The following NRF1 variants were observed in gnomAD, a reference collection of about 807,000 sequenced individuals.
NRF1 encodes nuclear respiratory factor 1.
Under a neutral mutation model 58.5 loss-of-function variants are expected in NRF1, and 5 were observed. The observed-to-expected ratio is 0.09, with a 90% CI of 0.04 to 0.18. The LOEUF is 0.18. NRF1 is among the 10% of genes least tolerant of loss of function. The pLI, the probability that NRF1 is intolerant of heterozygous loss-of-function variation, is 1.00. For synonymous variants in NRF1, 224 were observed against 246.7 expected (o/e 0.91, Z 0.86); for missense variants, 288 against 657.7 (o/e 0.44, Z 6.15).
At chr7:129,746,845 T>G (rs1803988029) in intron 10 of NRF1, among the ~76,000 whole-genome samples, 3 of 152,222 alleles carry the variant, frequency 2.0e-5, no homozygotes, top group South Asian at 4.1e-4. Context: ...TTTGTTTAGC[T>G]CTCTCTTTTT....
intron 1 of NRF1, among the ~76,000 whole-genome samples, chr7:129,622,220 A>G (rs190507018): frequency 1.5e-3 from 235 of 152,330 alleles, no homozygotes; most frequent in African/African-American, 5.5e-3. Flanking sequence ...ATGAAAATGC[A>G]TTAGCGTTTA....
At chr7:129,646,003 C>T (rs1395730817) in intron 1 of NRF1, among the ~76,000 whole-genome samples, 2 of 152,160 alleles carry the variant, frequency 1.3e-5, no homozygotes, top group Non-Finnish European at 2.9e-5. Flanking sequence ...GCGTGTACCA[C>T]CACACCCGGC....
intron 9 of NRF1, among the ~76,000 whole-genome samples, chr7:129,724,513 A>G (rs920301308): frequency 2.0e-5 from 3 of 152,250 alleles, no homozygotes; most frequent in Non-Finnish European, 4.4e-5. Context: ...CGTATGTTGC[A>G]GCAAATCCAC....
intron 9 of NRF1, among the ~76,000 whole-genome samples, chr7:129,721,788 G>A (rs975768274): frequency 1.3e-5 from 2 of 152,094 alleles, no homozygotes; most frequent in Admixed American, 6.6e-5. Flanking sequence ...GCTGCTCTTA[G>A]TCTTTAAGAT....
intron 4 of NRF1, among the ~76,000 whole-genome samples, chr7:129,688,686 GAGAGAC>G (rs1802496670): frequency 1.4e-5 from 2 of 146,258 alleles, no homozygotes; most frequent in Non-Finnish European, 2.9e-5. Flanking sequence ...AGTGGCAGGA[GAGAGAC>G]AGAGAGAGAG....
intron 7 of NRF1, 78 bp from the exon 8 acceptor site, chr7:129,711,397 A>G: frequency 9.5e-7 from 1 of 1,055,230 alleles, no homozygotes; most frequent in Non-Finnish European, 1.4e-6. Context: ...TTTGGGATTA[A>G]ATGAGTCTCA....
At chr7:129,616,468 C>T (rs1800662121) in intron 1 of NRF1, among the ~76,000 whole-genome samples, 1 of 152,146 alleles carries the variant, frequency 6.6e-6, no homozygotes, top group African/African-American at 2.4e-5. Context: ...GGTATGGTGG[C>T]ATATGCCTAT....
chr7:129,721,716 C>T (rs990947343), intron 9 of NRF1, among the ~76,000 whole-genome samples: 8 of 152,044 alleles, frequency 5.3e-5, no homozygotes, highest in African/African-American at 1.7e-4. Flanking sequence ...CTCCTGACCT[C>T]GTGATCCACC....
chr7:129,735,163 G>C (rs953799989), intron 10 of NRF1: 1 of 985,282 alleles, frequency 1.0e-6, no homozygotes, highest in East Asian at 1.1e-4. Flanking sequence ...CACCTATGCT[G>C]CCCTGGTTAA....
Position 129,757,062 on chromosome 7 carries a change from T to C in NRF1, c.*1881T>C, listed in dbSNP as rs1326640528. 1 of 152,602 alleles carries C rather than the reference T, an allele frequency of 6.6e-6. No individual in the cohort carries two copies. Among genetic ancestry groups the C allele is most frequent in the Non-Finnish European group, 1.5e-5 (1 of 68,030 alleles). 9.5% of individuals were successfully genotyped at this position (152,602 alleles called of 1,614,324 possible). On this transcript the variant is annotated 3_prime_UTR_variant, in exon 11 of 11. Transcript: ENST00000393232. Reference sequence around the variant, plus strand: ...TTTGACTGCCTCATTCAATAAATAGTTAAAAATGTGGCAACAGGAAGTGGA... The same window carrying C: ...TTTGACTGCCTCATTCAATAAATAGCTAAAAATGTGGCAACAGGAAGTGGA...
At chr7:129,621,030 AGTC>A (rs1800786837) in intron 1 of NRF1, among the ~76,000 whole-genome samples, 1 of 152,258 alleles carries the variant, frequency 6.6e-6, no homozygotes, top group South Asian at 2.1e-4. Context: ...ACATTTCTAA[AGTC>A]GTGAATAAAA....
chr7:129,744,149 T>TTTA, intron 10 of NRF1: 1 of 1,502,346 alleles, frequency 6.7e-7, no homozygotes, highest in Non-Finnish European at 8.9e-7. Context: ...TTTTTTTTTT[T>TTTA]TAACAGTTCT....
chr7:129,752,874 G>A (rs966203242), intron 10 of NRF1, among the ~76,000 whole-genome samples: 6 of 152,152 alleles, frequency 3.9e-5, no homozygotes, highest in Admixed American at 1.3e-4. Context: ...CCATGCCCAC[G>A]TGCACTTGGA....
chr7:129,642,528 A>T (rs1801313266), intron 1 of NRF1, among the ~76,000 whole-genome samples: 1 of 152,216 alleles, frequency 6.6e-6, no homozygotes, highest in South Asian at 2.1e-4. Context: ...AAATATTTGT[A>T]ATACAGTATA....
chr7:129,689,005 T>C (rs1802505253), intron 4 of NRF1, among the ~76,000 whole-genome samples: 1 of 152,224 alleles, frequency 6.6e-6, no homozygotes, highest in African/African-American at 2.4e-5. Context: ...AATACAATCC[T>C]GTAAAGTTGC....
chr7:129,653,265 T>A (rs563461820), intron 1 of NRF1, among the ~76,000 whole-genome samples: 13 of 152,374 alleles, frequency 8.5e-5, no homozygotes, highest in Admixed American at 3.3e-4. Flanking sequence ...TTCCTTTTTT[T>A]AAAAATTGGT....
chr7:129,723,112 G>A (rs1293560181), intron 9 of NRF1, among the ~76,000 whole-genome samples: 1 of 151,998 alleles, frequency 6.6e-6, no homozygotes, highest in Admixed American at 6.6e-5. Flanking sequence ...ATATATTTAT[G>A]TATCTTTTTC....
intron 1 of NRF1, among the ~76,000 whole-genome samples, chr7:129,626,697 A>G (rs1433006450): frequency 1.3e-5 from 2 of 152,338 alleles, no homozygotes; most frequent in East Asian, 1.9e-4. Flanking sequence ...GATGAATACA[A>G]AAAGGGGAAG....
chr7:129,631,963 T>A (rs917382077), intron 1 of NRF1, among the ~76,000 whole-genome samples: 1 of 152,212 alleles, frequency 6.6e-6, no homozygotes, highest in Non-Finnish European at 1.5e-5. Context: ...CAGAACTGCT[T>A]TAAATTTCTC....
Sources: allele counts gnomAD v4.1 joint callset (sites outside exome capture counted in the v4.1 genomes callset), GRCh38; gene constraint gnomAD v4.1.1; transcripts MANE v1.5; gene names NCBI Gene and HGNC (gene_info 2026-07-23, HGNC 2026-07-21).